The following COXFA4L3 variants were observed in gnomAD, a reference collection of about 807,000 sequenced individuals.
The protein encoded by COXFA4L3 is MIR147B host.
chr15:45,432,010 C>T, the COXFA4L3 span: 2 of 1,407,718 alleles, frequency 1.4e-6, no homozygotes, highest in East Asian at 2.3e-5. Context: ...TTTATAAACC[C>T]AGTATCAGTG....
the COXFA4L3 span, chr15:45,433,006 T>C: frequency 1.2e-6 from 2 of 1,613,258 alleles, no homozygotes; most frequent in South Asian, 2.2e-5. Context: ...GTCCAAAGGG[T>C]GACCAAATGA....
chr15:45,432,435 C>T, the COXFA4L3 span, among the ~76,000 whole-genome samples: 22 of 152,302 alleles, frequency 1.4e-4, no homozygotes, highest in African/African-American at 3.6e-4. Context: ...GAGGCCGAGG[C>T]GGGTGGATCA....
chr15:45,432,214 C>T, the COXFA4L3 span: 1 of 1,115,790 alleles, frequency 9.0e-7, no homozygotes, highest in Admixed American at 2.3e-5. Context: ...TAGTACCTTA[C>T]CCTTATTGTG....
chr15:45,432,308 C>T, the COXFA4L3 span, among the ~76,000 whole-genome samples: 1 of 152,200 alleles, frequency 6.6e-6, no homozygotes, highest in African/African-American at 2.4e-5. Flanking sequence ...CATTGTCCAT[C>T]CACTCATGAG....
At chr15:45,432,922 T>C in the COXFA4L3 span, 1 of 1,583,344 alleles carries the variant, frequency 6.3e-7, no homozygotes. Context: ...ACAAAAGGTT[T>C]TTTTTTTTTC....
chr15:45,430,712 C>CCGGTTTGGCCT, the COXFA4L3 span: 1 of 1,342,406 alleles, frequency 7.4e-7, no homozygotes, highest in South Asian at 1.3e-5. Context: ...GCCTGCGGAG[C>CCGGTTTGGCCT]GCGGTGGACG....
At chr15:45,432,698 G>T in the COXFA4L3 span, among the ~76,000 whole-genome samples, 49 of 152,208 alleles carry the variant, frequency 3.2e-4, no homozygotes, top group Admixed American at 1.0e-3. Flanking sequence ...TGAAAGTAGG[G>T]CACATGTGTT....
the COXFA4L3 span, chr15:45,433,243 T>A: frequency 8.3e-6 from 4 of 481,132 alleles, no homozygotes; most frequent in East Asian, 6.9e-5. Context: ...CATATTGAAA[T>A]TTTTGTTTAT....
the COXFA4L3 span, chr15:45,431,124 T>G: frequency 9.7e-6 from 15 of 1,552,594 alleles, no homozygotes; most frequent in African/African-American, 1.9e-4. Flanking sequence ...TTTTTGGCAG[T>G]GTTTGGATGA....
chr15:45,430,654 A>G, the COXFA4L3 span: 2 of 703,632 alleles, frequency 2.8e-6, no homozygotes, highest in Non-Finnish European at 4.8e-6. Flanking sequence ...CCCGGCGTCC[A>G]GGTGAGTCTC....
the COXFA4L3 span, chr15:45,432,896 G>T: frequency 4.4e-5 from 67 of 1,530,976 alleles, no homozygotes; most frequent in African/African-American, 8.2e-4. Flanking sequence ...ACATGCAAAT[G>T]AAAGTCAAAT....
chr15:45,431,399 G>GTT, the COXFA4L3 span: 400 of 184,392 alleles, frequency 2.2e-3, no homozygotes, highest in Middle Eastern at 3.9e-3. Context: ...AGTAAAGCTT[G>GTT]TTTTTTTTTT....
the COXFA4L3 span, chr15:45,431,090 A>T: frequency 6.2e-7 from 1 of 1,610,476 alleles, no homozygotes; most frequent in South Asian, 1.1e-5. Flanking sequence ...ATGTGATGTA[A>T]GTAGGTCTCA....
At chr15:45,433,102 G>A in the COXFA4L3 span, 1 of 1,324,636 alleles carries the variant, frequency 7.5e-7, no homozygotes, top group Non-Finnish European at 1.1e-6. Context: ...ACACCAGTGT[G>A]CGGAAATGCT....
At chr15:45,432,176 C>T in the COXFA4L3 span, 8 of 1,530,718 alleles carry the variant, frequency 5.2e-6, no homozygotes, top group Admixed American at 1.8e-5. Flanking sequence ...TTGCCCAAAC[C>T]TTAGCACCTT....
At chr15:45,430,794 A>T in the COXFA4L3 span, 5 of 1,612,178 alleles carry the variant, frequency 3.1e-6, no homozygotes, top group African/African-American at 4.0e-5. Context: ...CGCTGAAGTC[A>T]TCATGAGCTT....
chr15:45,432,980 T>C, the COXFA4L3 span: 6 of 1,614,110 alleles, frequency 3.7e-6, no homozygotes, highest in Middle Eastern at 3.3e-4. Flanking sequence ...GGAAACCCAT[T>C]GAAGAGTTGC....
At chr15:45,433,127 A>C in the COXFA4L3 span, 1 of 1,147,626 alleles carries the variant, frequency 8.7e-7, no homozygotes, top group African/African-American at 1.5e-5. Context: ...CTACATTTTT[A>C]GGGTTTGTCT....
the COXFA4L3 span, chr15:45,430,813 T>C: frequency 6.2e-7 from 1 of 1,611,668 alleles, no homozygotes; most frequent in Non-Finnish European, 8.5e-7. Flanking sequence ...TTTTTCCAAC[T>C]CCTGATGAAA....
Sources: gnomAD v4.1 joint callset for allele counts (sites outside exome capture counted in the v4.1 genomes callset) on GRCh38, gnomAD v4.1.1 for gene constraint, MANE v1.5 for transcripts, NCBI Gene and HGNC (gene_info 2026-07-23, HGNC 2026-07-21) for gene names.